The following NWD2 variants were observed in gnomAD, a reference collection of about 807,000 sequenced individuals.
NWD2 encodes the protein NACHT and WD repeat domain containing 2, also known as NACHT and WD repeat domain-containing protein 2.
In NWD2, 37 loss-of-function variants were observed where a neutral mutation model predicts 132.7. That is an observed-to-expected ratio of 0.28 (90% confidence interval 0.21 to 0.37). The LOEUF (loss-of-function observed/expected upper bound fraction) is 0.37. Among genes scored for constraint, NWD2 ranks in the 10% least tolerant of loss-of-function variants. The probability of loss-of-function intolerance (pLI) is 1.00; values close to 1 mark genes in which losing one functional copy is unlikely to be tolerated. For missense variants in NWD2, 1,592 were observed against 2,122.4 expected, an observed-to-expected ratio of 0.75 and a Z score of 4.91; for synonymous variants, 705 against 803.0, an observed-to-expected ratio of 0.88 and a Z score of 2.06.
intron 1 of NWD2, among the ~76,000 whole-genome samples, chr4:37,254,567 G>A (rs1362132233): frequency 1.3e-5 from 2 of 152,170 alleles, no homozygotes; most frequent in Non-Finnish European, 2.9e-5. Context: ...TGCAATCAGT[G>A]TAGAAGGAAA....
At chr4:37,350,191 T>C (rs1237307900) in intron 2 of NWD2, among the ~76,000 whole-genome samples, 2 of 152,206 alleles carry the variant, frequency 1.3e-5, no homozygotes, top group African/African-American at 4.8e-5. Flanking sequence ...GCATATGAAA[T>C]TTAAAGTAGT....
At position 37,292,836 on chromosome 4, in the gene NWD2, G is replaced by A. The variant is rs541580738; in HGVS notation, c.152-33100G>A. ...ACACGCCCAGTTCACCATAGGGTTC[G>A]CACTTCTTTGAGAATCTAATGCCAC... On this transcript the variant is annotated intron_variant, in intron 1 of 6. Transcript: ENST00000309447. Among the ~76,000 whole-genome samples, 54 of 152,062 alleles carry A rather than the reference G, an allele frequency of 3.6e-4. 1 individual carries two copies. The South Asian group carries it at 9.8e-3, about 27-fold the overall frequency.
intron 5 of NWD2, among the ~76,000 whole-genome samples, chr4:37,437,367 ACG>A (rs1354554589): frequency 6.6e-6 from 1 of 152,136 alleles, no homozygotes; most frequent in Non-Finnish European, 1.5e-5. Context: ...TTATATGAAC[ACG>A]ACTTTCATTC....
At position 37,281,657 on chromosome 4, in the gene NWD2, A is replaced by T. The variant is rs76477738; in HGVS notation, c.151+36439A>T. On this transcript the variant is annotated intron_variant, in intron 1 of 6. Transcript: ENST00000309447. The stretch of plus-strand genomic sequence containing the variant: ...TATATGAGAAAACCAAGTCCAGTAA[A>T]TTTTAAGTAGCATGCTCAAGGTCAC... Among the ~76,000 whole-genome samples, 298 of 152,238 alleles carry T rather than the reference A, an allele frequency of 2.0e-3. 1 individual carries two copies. Among genetic ancestry groups the T allele is most frequent in the African/African-American group, 6.8e-3 (284 of 41,542 alleles).
intron 2 of NWD2, among the ~76,000 whole-genome samples, chr4:37,348,014 T>C (rs1308971349): frequency 6.6e-6 from 1 of 152,204 alleles, no homozygotes; most frequent in African/African-American, 2.4e-5. Flanking sequence ...GTAACAATTA[T>C]GATTTCAGTA....
chr4:37,245,393 C>T (rs1338359258), intron 1 of NWD2, among the ~76,000 whole-genome samples, 175 bp downstream of exon 1: 3 of 152,078 alleles, frequency 2.0e-5, no homozygotes, highest in Non-Finnish European at 4.4e-5. Context: ...TTTCTCCCCT[C>T]GCTGGCCGGT....
chr4:37,296,792 A>G (rs920715182), intron 1 of NWD2, among the ~76,000 whole-genome samples: 1 of 152,184 alleles, frequency 6.6e-6, no homozygotes, highest in African/African-American at 2.4e-5. Flanking sequence ...TCATCAATAT[A>G]TAATTCACCC....
intron 1 of NWD2, among the ~76,000 whole-genome samples, chr4:37,312,864 C>G (rs954603414): frequency 6.6e-6 from 1 of 151,056 alleles, no homozygotes; most frequent in African/African-American, 2.5e-5. Flanking sequence ...TGTCAAAGAC[C>G]TTTTCTGCAT....
At chr4:37,376,774 G>A (rs371710625) in intron 3 of NWD2, among the ~76,000 whole-genome samples, 1 of 152,170 alleles carries the variant, frequency 6.6e-6, no homozygotes, top group African/African-American at 2.4e-5. Flanking sequence ...ATTGGTCCAC[G>A]CTTTCATGTC....
chr4:37,408,360 C>T (rs2109318098), intron 3 of NWD2, among the ~76,000 whole-genome samples: 1 of 152,284 alleles, frequency 6.6e-6, no homozygotes, highest in Non-Finnish European at 1.5e-5. Flanking sequence ...GGGGCCTCCA[C>T]CATTGCTGAG....
At chr4:37,411,284 A>C (rs1218877388) in intron 3 of NWD2, among the ~76,000 whole-genome samples, 1 of 152,214 alleles carries the variant, frequency 6.6e-6, no homozygotes, top group Non-Finnish European at 1.5e-5. Context: ...AGACACAATA[A>C]AAAGTGATAC....
chr4:37,273,016 ATTCAAGTTACTGTCATGTCAG>A (rs1451452245), intron 1 of NWD2, among the ~76,000 whole-genome samples: 1 of 151,736 alleles, frequency 6.6e-6, no homozygotes, highest in Non-Finnish European at 1.5e-5. Flanking sequence ...CACCCAATAG[ATTCAAGTTACTGTCATGTCAG>A]TTCATTTTAT....
chr4:37,259,310 C>T (rs1197415908), intron 1 of NWD2, among the ~76,000 whole-genome samples: 1 of 152,228 alleles, frequency 6.6e-6, no homozygotes, highest in Non-Finnish European at 1.5e-5. Flanking sequence ...AAAAGCAAAG[C>T]ATTGCTGTTT....
rs548727614 is a variant in NWD2 at position 37,374,461 on chromosome 4, A to G, written c.357+17979A>G. On this transcript the variant is annotated intron_variant, in intron 3 of 6. Transcript: ENST00000309447. ...GATTGCAGGGAAGACAAAGAATAGA[A>G]CTAACACGATAAAAATCAGGTCAGT... Among the ~76,000 whole-genome samples the G allele has an allele frequency of 6.2e-4, 95 of 152,320 alleles. 1 individual carries two copies. Among genetic ancestry groups the G allele is most frequent in the African/African-American group, 2.2e-3 (90 of 41,584 alleles).
At chr4:37,373,077 G>C (rs1252114497) in intron 3 of NWD2, among the ~76,000 whole-genome samples, 1 of 152,146 alleles carries the variant, frequency 6.6e-6, no homozygotes, top group East Asian at 1.9e-4. Flanking sequence ...GACAATAATA[G>C]CAAACATTTA....
At chr4:37,267,689 G>A (rs1158172211) in intron 1 of NWD2, among the ~76,000 whole-genome samples, 2 of 151,898 alleles carry the variant, frequency 1.3e-5, no homozygotes, top group African/African-American at 4.8e-5. Context: ...TGGTCTTAAT[G>A]TGTTCTTTAA....
rs374127746 is a variant in NWD2, at chr4:37,273,197, C to T, written c.151+27979C>T. ...CTAGTTTAACAGATTTTTTTATTGC[C>T]CTCTGCATTTTCATTATGTCATTCC... On this transcript the variant is annotated intron_variant, in intron 1 of 6. Coordinates refer to ENST00000309447, the MANE Select transcript of NWD2 (RefSeq NM_001144990.2). Among the ~76,000 whole-genome samples the T allele has an allele frequency of 1.0e-3, 158 of 151,584 alleles. 3 individuals are homozygous for T. The South Asian group carries it at 0.013, about 13-fold the overall frequency.
intron 1 of NWD2, among the ~76,000 whole-genome samples, chr4:37,308,623 C>T (rs1275397733): frequency 6.6e-6 from 1 of 152,140 alleles, no homozygotes; most frequent in Non-Finnish European, 1.5e-5. Flanking sequence ...CTGGCAGTGG[C>T]AGTCCCTGGG....
intron 2 of NWD2, among the ~76,000 whole-genome samples, chr4:37,329,230 A>G (rs1719238638): frequency 6.6e-6 from 1 of 152,178 alleles, no homozygotes; most frequent in Non-Finnish European, 1.5e-5. Context: ...CCACATGGCA[A>G]CCAACATTCT....
Sources: allele counts gnomAD v4.1 joint callset (sites outside exome capture counted in the v4.1 genomes callset), GRCh38; gene constraint gnomAD v4.1.1; transcripts MANE v1.5; gene names NCBI Gene and HGNC (gene_info 2026-07-23, HGNC 2026-07-21).